ZFHX3: variants seen among roughly 807,000 people sequenced by gnomAD.
ZFHX3 encodes zinc finger homeobox 3, also known as zinc finger homeobox protein 3.
ZFHX3 carries 42 observed loss-of-function variants against 279.1 expected under a neutral mutation model. That is an observed-to-expected ratio of 0.15 (90% CI 0.12 to 0.19). The LOEUF (loss-of-function observed/expected upper bound fraction) is 0.19, where lower values mean the gene tolerates loss of function less well. ZFHX3 is among the 10% of genes least tolerant of loss of function. The pLI, the probability that ZFHX3 is intolerant of heterozygous loss-of-function variation, is 1.00. For missense variants in ZFHX3, 4,981 were observed against 4,754.0 expected (o/e 1.05, Z -1.40); for synonymous variants, 2,293 against 1,957.8 (o/e 1.17, Z -4.52).
chr16:73,350,533 G>A (rs2016220198), intron 3 of ZFHX3, among the ~76,000 whole-genome samples: 1 of 152,136 alleles, frequency 6.6e-6, no homozygotes, highest in African/African-American at 2.4e-5. Context: ...AGTGTCTCCT[G>A]GACACCCTAC....
chr16:73,509,023 A>C (rs2019377013), intron 2 of ZFHX3, among the ~76,000 whole-genome samples: 1 of 152,180 alleles, frequency 6.6e-6, no homozygotes, highest in South Asian at 2.1e-4. Context: ...CCCATCCCAA[A>C]TGCAGTGTCA....
intron 4 of ZFHX3, among the ~76,000 whole-genome samples, chr16:72,838,080 C>T (rs1567541254): frequency 6.6e-6 from 1 of 152,204 alleles, no homozygotes; most frequent in Non-Finnish European, 1.5e-5. Flanking sequence ...GGAGGCCCTG[C>T]AGGAAAACCC....
intron 3 of ZFHX3, among the ~76,000 whole-genome samples, chr16:72,926,998 T>G (rs1019040437): frequency 1.5e-4 from 23 of 152,338 alleles, no homozygotes; most frequent in African/African-American, 5.0e-4. Flanking sequence ...TTAGGAACCA[T>G]GAGCTGGAGG....
chr16:73,041,166 AC>A (rs1200707822), intron 1 of ZFHX3, among the ~76,000 whole-genome samples: 1 of 152,320 alleles, frequency 6.6e-6, no homozygotes, highest in Non-Finnish European at 1.5e-5. Flanking sequence ...CTTCAAACAA[AC>A]AATGAGGAAG....
chr16:73,772,582 T>C (rs985254337), intron 1 of ZFHX3, among the ~76,000 whole-genome samples: 1 of 152,184 alleles, frequency 6.6e-6, no homozygotes, highest in African/African-American at 2.4e-5. Context: ...CGTAGGTGTC[T>C]TTCAGATATG....
chr16:73,326,099 A>G (rs937921727), intron 3 of ZFHX3, among the ~76,000 whole-genome samples: 1 of 152,188 alleles, frequency 6.6e-6, no homozygotes, highest in African/African-American at 2.4e-5. Flanking sequence ...ACAGATGGAG[A>G]GATAGAAGCT....
chr16:73,698,241 G>A (rs1238377903), intron 1 of ZFHX3, among the ~76,000 whole-genome samples: 1 of 151,936 alleles, frequency 6.6e-6, no homozygotes, highest in Non-Finnish European at 1.5e-5. Flanking sequence ...ATTCATATTG[G>A]TATAAATTAA....
rs995828986 is a variant in ZFHX3, at chr16:72,786,323, G to A, written c.*841C>T. 1 of 151,334 alleles carries A rather than the reference G, an allele frequency of 6.6e-6. No individual in the cohort carries two copies. The highest frequency in any genetic ancestry group is 1.5e-5 in the Non-Finnish European group (1 of 67,874). The allele number at this position is 151,334 out of a possible 1,614,324, so 9.4% of individuals were successfully genotyped here. A position where few individuals can be genotyped will look rare whatever the true frequency, so the allele number is the denominator to read the frequency against. ...AACAATCTACTCAACACCAAAAATG[G>A]TCATATCTATCATAAATACAGAAAG... is the stretch of plus-strand genomic sequence containing the variant. On this transcript the variant is annotated 3_prime_UTR_variant, in exon 10 of 10. Coordinates refer to ENST00000268489, the MANE Select transcript of ZFHX3 (RefSeq NM_006885.4).
intron 3 of ZFHX3, among the ~76,000 whole-genome samples, chr16:72,931,409 ACACACACACACACACACACACACAC>A (rs1959794698): frequency 3.4e-5 from 1 of 29,580 alleles, no homozygotes; most frequent in Non-Finnish European, 6.0e-5. Flanking sequence ...TTCATTACAC[ACACACACACACACACACACACACAC>A]ACACACACAC....
chr16:73,140,940 T>C (rs1966846374), intron 6 of ZFHX3, among the ~76,000 whole-genome samples: 1 of 152,118 alleles, frequency 6.6e-6, no homozygotes. Context: ...GAGGATCAAG[T>C]GATGGAAGAG....
intron 1 of ZFHX3, among the ~76,000 whole-genome samples, chr16:73,737,636 A>G (rs1313802077): frequency 6.6e-6 from 1 of 152,112 alleles, no homozygotes; most frequent in Non-Finnish European, 1.5e-5. Flanking sequence ...TGAAGGCCCC[A>G]TCTACCTGCC....
intron 4 of ZFHX3, among the ~76,000 whole-genome samples, chr16:72,843,357 A>T (rs1359397037): frequency 6.6e-6 from 1 of 151,908 alleles, no homozygotes; most frequent in Non-Finnish European, 1.5e-5. Flanking sequence ...AAAAAATACA[A>T]AAAATTAGCC....
intron 3 of ZFHX3, among the ~76,000 whole-genome samples, chr16:73,338,695 G>T (rs1250927772): frequency 6.6e-6 from 1 of 152,076 alleles, no homozygotes; most frequent in African/African-American, 2.4e-5. Flanking sequence ...TTTTGCTTAA[G>T]CCATTTTAAA....
rs201491489 is a variant in ZFHX3, at chr16:72,798,152, A to C, written c.4530T>G (p.Ser1510=). ...EDKQSPTGSD[S]GSVQEDSGSE... is the part of the protein sequence containing the mutation. ...AGCCCGAGTCTTCTTGTACTGACCC[A>C]GAGTCACTGCCCGTTGGGCTCTGTT... The change falls in exon 9 of 10, where the codon TCT becomes TCG. Residue 1510 remains serine (S), a synonymous_variant. Transcript: ENST00000268489. 11 of 1,614,208 alleles carry C rather than the reference A, an allele frequency of 6.8e-6. No individual in the cohort carries two copies. Among genetic ancestry groups the C allele is most frequent in the Non-Finnish European group, 8.5e-7 (1 of 1,180,044 alleles).
chr16:73,427,963 C>T (rs1451126480), intron 3 of ZFHX3, among the ~76,000 whole-genome samples: 1 of 151,886 alleles, frequency 6.6e-6, no homozygotes, highest in Non-Finnish European at 1.5e-5. Context: ...AAAACCGAAA[C>T]AGGTACTGCC....
intron 1 of ZFHX3, among the ~76,000 whole-genome samples, chr16:73,055,696 GCGCACA>G (rs1445481578): frequency 2.0e-4 from 19 of 94,760 alleles, no homozygotes; most frequent in African/African-American, 2.9e-4. Context: ...GCGCGCGCGC[GCGCACA>G]CACACACACA....
intron 3 of ZFHX3, among the ~76,000 whole-genome samples, chr16:73,434,578 CTT>C (rs1301129642): frequency 6.6e-6 from 1 of 151,490 alleles, no homozygotes; most frequent in Non-Finnish European, 1.5e-5. Flanking sequence ...TTCCACTTGA[CTT>C]TGTGCTGTGT....
chr16:73,883,392 CAT>C (rs1040626904), intron 1 of ZFHX3, among the ~76,000 whole-genome samples: 1 of 120,846 alleles, frequency 8.3e-6, no homozygotes, highest in Non-Finnish European at 1.9e-5. Flanking sequence ...GCACATAAGC[CAT>C]ATATATGTGT....
intron 1 of ZFHX3, among the ~76,000 whole-genome samples, chr16:73,000,013 G>A (rs1311720263): frequency 6.6e-6 from 1 of 152,236 alleles, no homozygotes; most frequent in Non-Finnish European, 1.5e-5. Context: ...GAGTTTTGAA[G>A]GAAAGACTGG....
Sources: gnomAD v4.1 joint callset for allele counts (sites outside exome capture counted in the v4.1 genomes callset) on GRCh38, gnomAD v4.1.1 for gene constraint, MANE v1.5 for transcripts, NCBI Gene and HGNC (gene_info 2026-07-23, HGNC 2026-07-21) for gene names.